The following CRACDL variants were observed in gnomAD, a reference collection of about 807,000 sequenced individuals.
CRACDL encodes the protein CRACD like, also known as CRACD-like protein.
CRACDL carries 26 observed loss-of-function variants against 70.6 expected under a neutral mutation model. The ratio of observed to expected loss-of-function variants is 0.37; its 90% CI spans 0.27 to 0.51. The LOEUF is 0.51. CRACDL is among the 20% of genes least tolerant of loss of function. The pLI, the probability that CRACDL is intolerant of heterozygous loss-of-function variation, is 0.94. For synonymous variants in CRACDL, 618 were observed against 615.2 expected, an observed-to-expected ratio of 1.00 and a Z score of -0.07; for missense variants, 1,283 against 1,376.9, an observed-to-expected ratio of 0.93 and a Z score of 1.08.
At chr2:98,894,299 G>T (rs1190132667) in intron 1 of CRACDL, among the ~76,000 whole-genome samples, 1 of 152,246 alleles carries the variant, frequency 6.6e-6, no homozygotes, top group East Asian at 1.9e-4. Context: ...TCACCCTGAA[G>T]GAGAGAGATG....
rs773846672 is a variant in CRACDL at position 98,823,544 on chromosome 2, G to A, written c.736-7C>T. The stretch of plus-strand genomic sequence containing the variant: ...GGGATTCAGACTGAGCGCGCTGAGA[G>A]AAATAAAGATAAAAAGCATCGTCGC... On this transcript the variant is annotated splice_region_variant and splice_polypyrimidine_tract_variant and intron_variant, in intron 6 of 9. Transcript: ENST00000397899. The surrounding 1 kb of genome is among the most constrained non-coding windows in gnomAD (Gnocchi z 4.0). 3.8e-6 allele frequency: 6 copies of A among 1,562,454 alleles called. No homozygotes were observed. In the African/African-American group the frequency reaches 4.1e-5, roughly 11 times the overall value.
intron 3 of CRACDL, among the ~76,000 whole-genome samples, chr2:98,837,048 G>A (rs1320576195): frequency 3.4e-5 from 5 of 147,774 alleles, no homozygotes; most frequent in Non-Finnish European, 7.4e-5. Flanking sequence ...TCGCGCCACC[G>A]CACTCCAGCC....
At chr2:98,904,957 G>C (rs1476505075) in intron 1 of CRACDL, among the ~76,000 whole-genome samples, 1 of 152,180 alleles carries the variant, frequency 6.6e-6, no homozygotes, top group African/African-American at 2.4e-5. Context: ...CTGTTTAAGA[G>C]AGGCTGGGCC....
At chr2:98,814,011 C>G in intron 7 of CRACDL, among the ~76,000 whole-genome samples, 1 of 152,150 alleles carries the variant, frequency 6.6e-6, no homozygotes, top group East Asian at 1.9e-4. Flanking sequence ...CCCTTATTAT[C>G]ATTTTAATGC....
intron 5 of CRACDL, among the ~76,000 whole-genome samples, chr2:98,830,265 C>G (rs1204241701): frequency 6.6e-6 from 1 of 152,152 alleles, no homozygotes; most frequent in Non-Finnish European, 1.5e-5. Context: ...TCCTGAAAAA[C>G]TTATTCTATC....
chr2:98,899,481 T>A (rs563035450), intron 1 of CRACDL, among the ~76,000 whole-genome samples: 50 of 152,234 alleles, frequency 3.3e-4, no homozygotes, highest in African/African-American at 1.2e-3. Flanking sequence ...TGTGATCCCA[T>A]GTGTGTGGAA....
At chr2:98,899,609 A>C (rs1287033362) in intron 1 of CRACDL, among the ~76,000 whole-genome samples, 1 of 152,234 alleles carries the variant, frequency 6.6e-6, no homozygotes, top group African/African-American at 2.4e-5. Flanking sequence ...TGTGCTCAGC[A>C]GTCAGAGGGG....
chr2:98,818,903 C>T (rs1018850939), intron 7 of CRACDL, among the ~76,000 whole-genome samples: 1 of 152,308 alleles, frequency 6.6e-6, no homozygotes, highest in South Asian at 2.1e-4. Flanking sequence ...GCCCCTGCCC[C>T]CAGAGTTGCT....
chr2:98,794,228 TCTTC>T lies in CRACDL; in HGVS notation c.*300_*303del, dbSNP rs1468914387. 1 of 241,170 alleles carries T rather than the reference TCTTC, an allele frequency of 4.1e-6. No homozygotes were observed. Among genetic ancestry groups the T allele is most frequent in the African/African-American group, 2.3e-5 (1 of 44,190 alleles). The allele number at this position is 241,170 out of a possible 1,614,324, so 14.9% of individuals were successfully genotyped here. A position where few individuals can be genotyped will look rare whatever the true frequency, so the allele number is the denominator to read the frequency against. ...TATGTGTCCAATTTCATTTCTATTTTCTTCCTTGTCTGAGGCTTCTTTATCAAGG... is the reference window on the plus strand; with the variant it reads ...TATGTGTCCAATTTCATTTCTATTTTCTTGTCTGAGGCTTCTTTATCAAGG... On this transcript the variant is annotated 3_prime_UTR_variant, in exon 10 of 10. Transcript: ENST00000397899.
At chr2:98,879,616 T>G (rs918972597) in intron 1 of CRACDL, among the ~76,000 whole-genome samples, 5 of 152,210 alleles carry the variant, frequency 3.3e-5, no homozygotes, top group African/African-American at 9.7e-5. Context: ...TGGCGCAATC[T>G]CGGCTCACTG....
intron 1 of CRACDL, among the ~76,000 whole-genome samples, chr2:98,856,130 C>T (rs1399021667): frequency 6.6e-6 from 1 of 152,096 alleles, no homozygotes; most frequent in African/African-American, 2.4e-5. Context: ...GCTCAAAAAT[C>T]TTCAAGTAAG....
At chr2:98,932,982 G>A (rs1024318363) in intron 1 of CRACDL, among the ~76,000 whole-genome samples, 2 of 152,202 alleles carry the variant, frequency 1.3e-5, no homozygotes, top group South Asian at 2.1e-4. Context: ...CTGAGGGGGC[G>A]TTCTTGTCCT....
intron 1 of CRACDL, among the ~76,000 whole-genome samples, chr2:98,880,145 C>A (rs1267178491): frequency 6.6e-6 from 1 of 152,176 alleles, no homozygotes; most frequent in Non-Finnish European, 1.5e-5. Flanking sequence ...CCTATTGGTA[C>A]AGGTTATGTT....
intron 2 of CRACDL, among the ~76,000 whole-genome samples, chr2:98,843,778 T>G (rs1024276938): frequency 6.6e-6 from 1 of 152,236 alleles, no homozygotes; most frequent in East Asian, 1.9e-4. Context: ...ATAGTAAGTC[T>G]TAAAAACAGG....
intron 7 of CRACDL, among the ~76,000 whole-genome samples, chr2:98,818,039 C>A (rs1469979110): frequency 6.6e-6 from 1 of 152,102 alleles, no homozygotes; most frequent in African/African-American, 2.4e-5. Context: ...CTCCTTTGTT[C>A]TCATTCTAAT....
intron 5 of CRACDL, among the ~76,000 whole-genome samples, chr2:98,830,739 G>A (rs969961269): frequency 2.0e-5 from 3 of 152,112 alleles, no homozygotes; most frequent in African/African-American, 4.8e-5. Flanking sequence ...ATAAAGTCAG[G>A]CTGGCCCAGC....
rs529844394 is a variant in CRACDL, at chr2:98,826,855, G to A, written c.735+120C>T. The A allele has an allele frequency of 1.8e-5, 12 of 659,188 alleles. No homozygotes were observed. The East Asian group carries it at 3.1e-4, about 17-fold the overall frequency. 40.8% of individuals were successfully genotyped at this position (659,188 alleles called of 1,614,324 possible). On this transcript the variant is annotated intron_variant, in intron 6 of 9. Coordinates refer to ENST00000397899, the MANE Select transcript of CRACDL (RefSeq NM_207362.3). The stretch of plus-strand genomic sequence containing the variant: ...CTCCTGCAGCATGGCTCCATCAACT[G>A]TGGGGTGCTCAGAGGGGGCATGAGA...
intron 1 of CRACDL, among the ~76,000 whole-genome samples, chr2:98,888,581 G>A (rs1189068442): frequency 4.6e-5 from 7 of 152,082 alleles, no homozygotes; most frequent in African/African-American, 1.7e-4. Flanking sequence ...GAACATCAAA[G>A]GAGCAATGGA....
intron 1 of CRACDL, among the ~76,000 whole-genome samples, chr2:98,918,540 A>T (rs887498160): frequency 1.3e-4 from 3 of 22,974 alleles, no homozygotes; most frequent in Non-Finnish European, 2.1e-4. Context: ...GTTGTCTACC[A>T]AAAAAAAAAA....
Sources: gnomAD v4.1 joint callset for allele counts (sites outside exome capture counted in the v4.1 genomes callset) on GRCh38, gnomAD v4.1.1 for gene constraint, Gnocchi (gnomAD v3.1) non-coding constraint, MANE v1.5 for transcripts, NCBI Gene and HGNC (gene_info 2026-07-23, HGNC 2026-07-21) for gene names.